MARCHF1: variants seen among roughly 807,000 people sequenced by gnomAD.
MARCHF1 encodes membrane associated ring-CH-type finger 1.
A neutral mutation model predicts 54.2 loss-of-function variants in MARCHF1; 40 were observed. The ratio of observed to expected loss-of-function variants is 0.74; its 90% CI spans 0.57 to 0.96. The LOEUF (loss-of-function observed/expected upper bound fraction) is 0.96. Among genes scored for constraint, MARCHF1 ranks in the 40% least tolerant of loss-of-function variants. The pLI is 0.00. For synonymous variants in MARCHF1, 236 were observed against 236.3 expected (o/e 1.00, Z 0.01); for missense variants, 586 against 656.5 (o/e 0.89, Z 1.17).
intron 3 of MARCHF1, among the ~76,000 whole-genome samples, chr4:163,891,691 TAGCGG>T (rs2111271833): frequency 6.6e-6 from 1 of 152,296 alleles, no homozygotes; most frequent in Non-Finnish European, 1.5e-5. Context: ...GACTGGGAAG[TAGCGG>T]AGCGTTGATT....
At chr4:163,704,944 A>T (rs1157183618) in intron 4 of MARCHF1, among the ~76,000 whole-genome samples, 1 of 151,666 alleles carries the variant, frequency 6.6e-6, no homozygotes, top group African/African-American at 2.4e-5. Context: ...AAAAAATGAT[A>T]TCAGAAATGA....
chr4:163,990,942 T>A (rs1452902421), intron 2 of MARCHF1, among the ~76,000 whole-genome samples: 1 of 152,194 alleles, frequency 6.6e-6, no homozygotes, highest in East Asian at 1.9e-4. Flanking sequence ...GAAAGAAGAT[T>A]TTTAGCTTGA....
At chr4:163,950,154 G>A (rs1440409545) in intron 3 of MARCHF1, among the ~76,000 whole-genome samples, 3 of 152,144 alleles carry the variant, frequency 2.0e-5, no homozygotes, top group Non-Finnish European at 4.4e-5. Flanking sequence ...CTGCCTGGGA[G>A]CCTGTCTGCC....
chr4:164,197,144 C>T lies in MARCHF1; in HGVS notation c.-322-85482G>A, dbSNP rs769754533. 7 of 1,606,206 alleles carry T rather than the reference C, an allele frequency of 4.4e-6. No homozygotes were observed. The East Asian group carries it at 1.6e-4, about 36-fold the overall frequency. ...TCCTCCTCTTCACCTTCCTCCTCCT[C>T]CTCCTCGCCCTCCTCATCTTCCACT... On this transcript the variant is annotated intron_variant, in intron 1 of 9. Transcript: ENST00000514618.
At chr4:163,918,981 T>C (rs991979176) in intron 3 of MARCHF1, among the ~76,000 whole-genome samples, 2 of 152,144 alleles carry the variant, frequency 1.3e-5, no homozygotes, top group African/African-American at 4.8e-5. Context: ...AATTTTTCTT[T>C]GCTTTTGGTT....
At chr4:164,235,240 C>T (rs1732515295) in intron 1 of MARCHF1, among the ~76,000 whole-genome samples, 2 of 152,106 alleles carry the variant, frequency 1.3e-5, no homozygotes, top group Admixed American at 6.6e-5. Context: ...CCCCATTTCC[C>T]TGTATCTCAT....
chr4:163,638,503 C>T (rs145633169), intron 5 of MARCHF1, among the ~76,000 whole-genome samples: 3 of 152,228 alleles, frequency 2.0e-5, no homozygotes, highest in South Asian at 2.1e-4. Context: ...CTGAGGCCCT[C>T]GCCAGAAGCT....
At chr4:164,056,248 G>T (rs571526521) in intron 2 of MARCHF1, among the ~76,000 whole-genome samples, 2 of 152,096 alleles carry the variant, frequency 1.3e-5, no homozygotes, top group Non-Finnish European at 2.9e-5. Context: ...CCTGTGTGTC[G>T]CTATGAGAAC....
intron 4 of MARCHF1, among the ~76,000 whole-genome samples, chr4:163,787,494 C>A (rs879640206): frequency 2.0e-5 from 3 of 151,482 alleles, no homozygotes; most frequent in African/African-American, 7.3e-5. Flanking sequence ...ACTAATCCTT[C>A]GGAAAATGCA....
Position 163,650,316 on chromosome 4 carries a change from G to C in MARCHF1, c.163-36923C>G, listed in dbSNP as rs1332233034. 2.0e-5 allele frequency among the ~76,000 whole-genome samples: 3 copies of C among 151,916 alleles called. No individual in the cohort carries two copies. In the East Asian group the frequency reaches 5.8e-4, roughly 29 times the overall value. ...CTACTTTATAAGTTAAAGGTTAGAA[G>C]TAAATATTTATACAATGAAAAATAC... On this transcript the variant is annotated intron_variant, in intron 5 of 9. Coordinates refer to ENST00000514618, the MANE Select transcript of MARCHF1 (RefSeq NM_001394959.1).
intron 3 of MARCHF1, among the ~76,000 whole-genome samples, chr4:163,864,751 A>G (rs1158316043): frequency 6.6e-6 from 1 of 151,952 alleles, no homozygotes; most frequent in Non-Finnish European, 1.5e-5. Context: ...TTATTTCAAT[A>G]TACAGTTCTA....
chr4:163,869,239 C>T (rs1041851056), intron 3 of MARCHF1, among the ~76,000 whole-genome samples: 2 of 151,990 alleles, frequency 1.3e-5, no homozygotes, highest in African/African-American at 2.4e-5. Flanking sequence ...TAATCTAGTT[C>T]TGTGATAACT....
chr4:164,093,401 T>C (rs1249051679), intron 2 of MARCHF1, among the ~76,000 whole-genome samples: 3 of 152,130 alleles, frequency 2.0e-5, no homozygotes, highest in Non-Finnish European at 4.4e-5. Context: ...ACCAATACTA[T>C]TGTTGTGTAG....
At chr4:163,644,516 T>G (rs1742678957) in intron 5 of MARCHF1, among the ~76,000 whole-genome samples, 1 of 152,042 alleles carries the variant, frequency 6.6e-6, no homozygotes. Context: ...CCCATCTGAC[T>G]CCCTGGGTCA....
chr4:163,832,053 A>G (rs1164931277), intron 4 of MARCHF1, among the ~76,000 whole-genome samples: 1 of 152,238 alleles, frequency 6.6e-6, no homozygotes, highest in Non-Finnish European at 1.5e-5. Context: ...TTCAAAGTAG[A>G]TAAACAAATT....
intron 1 of MARCHF1, chr4:164,190,137 G>A (rs1405970417): frequency 2.6e-6 from 4 of 1,543,960 alleles, no homozygotes; most frequent in South Asian, 1.2e-5. Context: ...ACTTTCCTCT[G>A]AAGATAAGGA....
At chr4:163,787,866 T>C (rs1269804124) in intron 4 of MARCHF1, among the ~76,000 whole-genome samples, 1 of 151,976 alleles carries the variant, frequency 6.6e-6, no homozygotes, top group Non-Finnish European at 1.5e-5. Flanking sequence ...AAACATGGCA[T>C]ATACATGCAA....
chr4:164,370,832 C>T (rs577191981), intron 1 of MARCHF1, among the ~76,000 whole-genome samples: 56 of 152,054 alleles, frequency 3.7e-4, no homozygotes, highest in East Asian at 7.7e-4. Context: ...CTCTTGAGCC[C>T]GGGAGGCGGA....
intron 1 of MARCHF1, among the ~76,000 whole-genome samples, chr4:164,218,895 A>C (rs1238707244): frequency 6.6e-6 from 1 of 152,018 alleles, no homozygotes; most frequent in African/African-American, 2.4e-5. Context: ...AGCCTTTGGG[A>C]ACTCCTTGCA....
Sources: gnomAD v4.1 joint callset for allele counts (sites outside exome capture counted in the v4.1 genomes callset) on GRCh38, gnomAD v4.1.1 for gene constraint, MANE v1.5 for transcripts, NCBI Gene and HGNC (gene_info 2026-07-23, HGNC 2026-07-21) for gene names.